STXBP5L: variants seen among roughly 807,000 people sequenced by gnomAD.
STXBP5L encodes the protein syntaxin-binding protein 5-like.
Under a neutral mutation model 144.5 loss-of-function variants are expected in STXBP5L, and 65 were observed. The observed-to-expected ratio is 0.45, with a 90% CI of 0.37 to 0.55. The LOEUF (loss-of-function observed/expected upper bound fraction) is 0.55, where lower values mean the gene tolerates loss of function less well. Among genes scored for constraint, STXBP5L ranks in the 20% least tolerant of loss-of-function variants. STXBP5L has a pLI of 0.00. For synonymous variants in STXBP5L, 505 were observed against 469.6 expected (o/e 1.08, Z -0.97); for missense variants, 1,298 against 1,405.5 (o/e 0.92, Z 1.22).
chr3:120,940,403 T>A (rs1470918385), intron 2 of STXBP5L, among the ~76,000 whole-genome samples: 3 of 151,944 alleles, frequency 2.0e-5, no homozygotes, highest in Non-Finnish European at 4.4e-5. Flanking sequence ...AAATTTGAGT[T>A]CTTAAGAGTC....
intron 20 of STXBP5L, among the ~76,000 whole-genome samples, chr3:121,320,128 T>A (rs941577385): frequency 6.6e-6 from 1 of 152,206 alleles, no homozygotes; most frequent in Admixed American, 6.5e-5. Context: ...AATTAACATA[T>A]TCAACAATAT....
chr3:121,341,137 T>C (rs990127586), intron 20 of STXBP5L, among the ~76,000 whole-genome samples: 3 of 152,022 alleles, frequency 2.0e-5, no homozygotes, highest in Non-Finnish European at 4.4e-5. Flanking sequence ...AACCAGAATA[T>C]ATAAGGAGCT....
At chr3:121,287,859 C>T (rs778153299) in intron 19 of STXBP5L, among the ~76,000 whole-genome samples, 1 of 152,002 alleles carries the variant, frequency 6.6e-6, no homozygotes, top group Non-Finnish European at 1.5e-5. Context: ...ACATGGAAAA[C>T]CAGAAAACAT....
intron 5 of STXBP5L, among the ~76,000 whole-genome samples, chr3:121,054,159 C>T (rs1409668519): frequency 6.6e-6 from 1 of 152,142 alleles, no homozygotes; most frequent in African/African-American, 2.4e-5. Flanking sequence ...TAATCTAGTT[C>T]AACCATTGTG....
chr3:121,003,665 C>T (rs1231165827), intron 3 of STXBP5L, among the ~76,000 whole-genome samples: 1 of 152,142 alleles, frequency 6.6e-6, no homozygotes, highest in Admixed American at 6.5e-5. Context: ...AGGTTTTCTT[C>T]TAGGGTTTTT....
intron 15 of STXBP5L, among the ~76,000 whole-genome samples, chr3:121,253,872 C>A (rs2050120961): frequency 1.4e-5 from 2 of 138,666 alleles, no homozygotes; most frequent in Admixed American, 1.6e-4. Flanking sequence ...CCAGGATAGT[C>A]TCGATCTCCT....
At chr3:121,009,010 C>A (rs1220964276) in intron 3 of STXBP5L, among the ~76,000 whole-genome samples, 1 of 151,424 alleles carries the variant, frequency 6.6e-6, no homozygotes, top group Non-Finnish European at 1.5e-5. Flanking sequence ...ATTCTTCTGA[C>A]TGGTTGGATA....
intron 6 of STXBP5L, 65 bp from the exon 7 acceptor site, chr3:121,121,576 C>A: frequency 8.8e-7 from 1 of 1,141,436 alleles, no homozygotes; most frequent in Non-Finnish European, 1.3e-6. Context: ...TTCTTTGTTT[C>A]AGTCTCTAGT....
intron 20 of STXBP5L, among the ~76,000 whole-genome samples, chr3:121,369,459 T>C (rs769677876): frequency 8.5e-5 from 13 of 152,270 alleles, no homozygotes; most frequent in Middle Eastern, 6.8e-3. Context: ...ACTGAAATTC[T>C]AAAGATGATT....
intron 3 of STXBP5L, among the ~76,000 whole-genome samples, chr3:120,993,609 G>A (rs565627310): frequency 6.6e-6 from 1 of 152,092 alleles, no homozygotes; most frequent in Non-Finnish European, 1.5e-5. Context: ...TGAGTTGGTT[G>A]TAAATATGTG....
chr3:121,060,678 A>G (rs535429990), intron 5 of STXBP5L, among the ~76,000 whole-genome samples: 2 of 152,298 alleles, frequency 1.3e-5, no homozygotes, highest in South Asian at 4.1e-4. Flanking sequence ...CAGGGATTCG[A>G]CTTCTTCCTA....
At chr3:121,301,726 A>G (rs897580248) in intron 19 of STXBP5L, among the ~76,000 whole-genome samples, 2 of 152,150 alleles carry the variant, frequency 1.3e-5, no homozygotes, top group African/African-American at 4.8e-5. Context: ...TCCCATCAAT[A>G]CCTAATTTAT....
At chr3:121,320,996 G>A (rs1157387354) in intron 20 of STXBP5L, among the ~76,000 whole-genome samples, 2 of 152,130 alleles carry the variant, frequency 1.3e-5, no homozygotes, top group Non-Finnish European at 2.9e-5. Context: ...ACCGTGCCCG[G>A]CCCACACTTT....
At chr3:121,024,148 G>T (rs1167857757) in intron 3 of STXBP5L, among the ~76,000 whole-genome samples, 1 of 152,108 alleles carries the variant, frequency 6.6e-6, no homozygotes, top group African/African-American at 2.4e-5. Context: ...CACAGACTTG[G>T]AGAAAATATT....
At position 121,413,219 on chromosome 3, in the gene STXBP5L, G is replaced by T; in HGVS notation, c.3010G>T (p.Ala1004Ser). ...NYLPLTDMRI[A>S]RTFCFTNEGQ... ...TTTGCCACTGACAGACATGAGGATAGCACGAACATTTTGTTTTACCAATGA... is the reference window on the plus strand; with the variant it reads ...TTTGCCACTGACAGACATGAGGATATCACGAACATTTTGTTTTACCAATGA... The change falls in exon 24 of 27, where the codon GCA becomes TCA. Residue 1004 changes from alanine (A) to serine (S), a missense_variant. Transcript: ENST00000471454. 1 of 1,610,590 alleles carries T rather than the reference G, an allele frequency of 6.2e-7. No individual in the cohort carries two copies. Among genetic ancestry groups the T allele is most frequent in the Non-Finnish European group, 8.5e-7 (1 of 1,178,988 alleles).
chr3:121,181,728 A>T (rs1253132017), intron 9 of STXBP5L, among the ~76,000 whole-genome samples: 1 of 152,152 alleles, frequency 6.6e-6, no homozygotes, highest in Non-Finnish European at 1.5e-5. Context: ...ATAGAATGAG[A>T]CCCTATCTCA....
chr3:121,354,813 T>G (rs2045442078), intron 20 of STXBP5L, among the ~76,000 whole-genome samples: 1 of 152,210 alleles, frequency 6.6e-6, no homozygotes, highest in Admixed American at 6.5e-5. Context: ...TTGGCATGTT[T>G]TTGCAGTGGC....
intron 9 of STXBP5L, chr3:121,158,659 G>C (rs1218769747): frequency 6.6e-6 from 1 of 152,134 alleles, no homozygotes; most frequent in African/African-American, 2.4e-5. Context: ...GTAGATATTA[G>C]CTATACATAC....
At chr3:121,340,092 C>G (rs576039409) in intron 20 of STXBP5L, among the ~76,000 whole-genome samples, 5 of 152,004 alleles carry the variant, frequency 3.3e-5, no homozygotes, top group African/African-American at 1.2e-4. Flanking sequence ...GCCCAAATAG[C>G]CAAAGCAATT....
Sources: allele counts gnomAD v4.1 joint callset (sites outside exome capture counted in the v4.1 genomes callset), GRCh38; gene constraint gnomAD v4.1.1; transcripts MANE v1.5; gene names NCBI Gene and HGNC (gene_info 2026-07-23, HGNC 2026-07-21).